SLF1: variants seen among roughly 807,000 people sequenced by gnomAD.
SLF1 encodes the protein SMC5-SMC6 complex localization factor protein 1.
SLF1 carries 105 observed loss-of-function variants against 123.0 expected under a neutral mutation model. That is an observed-to-expected ratio of 0.85 (90% CI 0.73 to 1.00). SLF1 has a LOEUF of 1.00. Ranked by LOEUF, SLF1 falls within the 50% of genes least tolerant of loss-of-function variation. The pLI is 0.00. For missense variants in SLF1, 1,239 were observed against 1,223.0 expected (o/e 1.01, Z -0.20); for synonymous variants, 434 against 406.6 (o/e 1.07, Z -0.81).
At chr5:94,640,087 T>C (rs1369387346) in intron 4 of SLF1, among the ~76,000 whole-genome samples, 1 of 152,258 alleles carries the variant, frequency 6.6e-6, no homozygotes, top group Non-Finnish European at 1.5e-5. Context: ...TTTTTGCCAT[T>C]TCCTGGCATT....
At chr5:94,685,639 A>T (rs1752328752) in intron 15 of SLF1, among the ~76,000 whole-genome samples, 1 of 152,036 alleles carries the variant, frequency 6.6e-6, no homozygotes, top group South Asian at 2.1e-4. Context: ...TTTGTAGAAG[A>T]TATTTGAGGC....
chr5:94,661,916 T>G (rs1005379605), intron 9 of SLF1, among the ~76,000 whole-genome samples: 14 of 152,040 alleles, frequency 9.2e-5, no homozygotes, highest in Middle Eastern at 3.4e-3. Flanking sequence ...ATGGGTGTTT[T>G]AAAACAATAA....
intron 10 of SLF1, 41 bp downstream of exon 10, chr5:94,662,392 G>A (rs1487302507): frequency 6.8e-7 from 1 of 1,468,582 alleles, no homozygotes; most frequent in Admixed American, 2.3e-5. Flanking sequence ...GGGCAAAGAA[G>A]AAGTTTTGTG....
chr5:94,640,664 C>A (rs574158793), intron 4 of SLF1, among the ~76,000 whole-genome samples: 1 of 151,584 alleles, frequency 6.6e-6, no homozygotes, highest in East Asian at 1.9e-4. Context: ...ATGCTTTGTT[C>A]TTTTTTTAAA....
At chr5:94,677,771 T>C (rs1036153012) in intron 14 of SLF1, among the ~76,000 whole-genome samples, 9 of 152,192 alleles carry the variant, frequency 5.9e-5, no homozygotes, top group Admixed American at 5.9e-4. Flanking sequence ...CACTTCTTCA[T>C]CTTCATAGTT....
At chr5:94,685,734 C>T (rs1752338087) in intron 15 of SLF1, among the ~76,000 whole-genome samples, 4 of 151,758 alleles carry the variant, frequency 2.6e-5, no homozygotes, top group Admixed American at 2.6e-4. Flanking sequence ...ACTTGGGAGG[C>T]TGAGGCAGGA....
intron 18 of SLF1, 61 bp downstream of exon 18, chr5:94,689,667 G>A (rs1320437264): frequency 1.8e-5 from 27 of 1,486,064 alleles, no homozygotes; most frequent in Non-Finnish European, 3.7e-6. Flanking sequence ...GTCAGTACTT[G>A]CAGGTTTCAC....
chr5:94,670,966 A>G lies in SLF1; in HGVS notation c.1785A>G (p.Glu595=), dbSNP rs1750368961. Residue 595 remains glutamate, a synonymous_variant, in exon 14 of 21, where the codon GAA becomes GAG. Coordinates refer to ENST00000265140, the MANE Select transcript of SLF1 (RefSeq NM_032290.4). ...CCAAACCAGTAAATATGCTTTTGGA[A>G]TGGACTATATATTCTCACAAGGAAA... ...LLTKPVNMLL[E]WTIYSHKEKF... is the part of the protein sequence containing the mutation. The G allele has an allele frequency of 6.5e-7, 1 of 1,549,014 alleles. No individual in the cohort carries two copies. Among genetic ancestry groups the G allele is most frequent in the Non-Finnish European group, 8.7e-7 (1 of 1,145,122 alleles).
chr5:94,645,339 T>C (rs1746907561), intron 5 of SLF1, among the ~76,000 whole-genome samples: 1 of 152,210 alleles, frequency 6.6e-6, no homozygotes, highest in African/African-American at 2.4e-5. Context: ...ACCCTGGCGC[T>C]ACTTAAGTTG....
At chr5:94,621,670 G>T (rs948557037) in intron 1 of SLF1, among the ~76,000 whole-genome samples, 1 of 152,146 alleles carries the variant, frequency 6.6e-6, no homozygotes, top group Non-Finnish European at 1.5e-5. Flanking sequence ...GCCTTGTACA[G>T]TACTGGATAG....
At chr5:94,655,539 G>A (rs1376943474) in intron 9 of SLF1, among the ~76,000 whole-genome samples, 1 of 152,064 alleles carries the variant, frequency 6.6e-6, no homozygotes, top group African/African-American at 2.4e-5. Flanking sequence ...ATTACTTTGG[G>A]CAATTTGGTT....
Position 94,688,550 on chromosome 5 carries a change from G to A in SLF1, c.2166G>A (p.Gly722=). The A allele has an allele frequency of 6.2e-7, 1 of 1,614,030 alleles. No homozygotes were observed. Residue 722 remains glycine, a synonymous_variant, in exon 17 of 21, where the codon GGG becomes GGA. Coordinates refer to ENST00000265140, the MANE Select transcript of SLF1 (RefSeq NM_032290.4). ...CCTTGGGGAAAACTGGTGTGCTTGG[G>A]TCTGGAAAGATTCAGGTGTCAAAGA... ...LPALGKTGVL[G]SGKIQVSKKI... is the part of the protein sequence containing the mutation.
intron 14 of SLF1, among the ~76,000 whole-genome samples, chr5:94,675,527 G>A (rs527649423): frequency 9.9e-4 from 151 of 152,260 alleles, no homozygotes; most frequent in African/African-American, 3.4e-3. Flanking sequence ...TATTGTTAAA[G>A]TGGCAGTGAG....
chr5:94,640,532 G>A (rs1746324826), intron 4 of SLF1, among the ~76,000 whole-genome samples: 1 of 151,444 alleles, frequency 6.6e-6, no homozygotes, highest in Non-Finnish European at 1.5e-5. Context: ...GGAGTTTTTT[G>A]GTTTTTATTA....
At chr5:94,661,531 GT>G (rs1057407408) in intron 9 of SLF1, among the ~76,000 whole-genome samples, 2 of 149,136 alleles carry the variant, frequency 1.3e-5, no homozygotes, top group South Asian at 2.1e-4. Context: ...AGGGTTTTTT[GT>G]TTTTTTGTTT....
At chr5:94,630,149 G>C (rs1585104621) in intron 3 of SLF1, among the ~76,000 whole-genome samples, 1 of 152,054 alleles carries the variant, frequency 6.6e-6, no homozygotes, top group Non-Finnish European at 1.5e-5. Flanking sequence ...AATAATTCCA[G>C]TAATACCACA....
chr5:94,667,946 C>G (rs115877516), intron 12 of SLF1, among the ~76,000 whole-genome samples: 1,773 of 151,772 alleles, frequency 0.012, 40 homozygotes, highest in African/African-American at 0.041. Flanking sequence ...TGGGGTTTTA[C>G]CATGTTTCCC....
At chr5:94,675,637 T>A in intron 14 of SLF1, among the ~76,000 whole-genome samples, 1 of 151,800 alleles carries the variant, frequency 6.6e-6, no homozygotes, top group South Asian at 2.1e-4. Context: ...GAAAGTGTCT[T>A]TTCATATAAA....
chr5:94,673,028 G>A (rs1484472631), intron 14 of SLF1, among the ~76,000 whole-genome samples: 1 of 152,156 alleles, frequency 6.6e-6, no homozygotes, highest in Non-Finnish European at 1.5e-5. Context: ...GGGACTCTGG[G>A]TAGTTCAAAT....
Sources: gnomAD v4.1 joint callset for allele counts (sites outside exome capture counted in the v4.1 genomes callset) on GRCh38, gnomAD v4.1.1 for gene constraint, MANE v1.5 for transcripts, NCBI Gene and HGNC (gene_info 2026-07-23, HGNC 2026-07-21) for gene names.